POM121: variants seen among roughly 807,000 people sequenced by gnomAD.
POM121 encodes the protein POM121 transmembrane nucleoporin.
Under a neutral mutation model 81.3 loss-of-function variants are expected in POM121, and 32 were observed. That is an observed-to-expected ratio of 0.39 (90% CI 0.30 to 0.53). The LOEUF is 0.53. Among genes scored for constraint, POM121 ranks in the 20% least tolerant of loss-of-function variants. POM121 has a pLI of 0.66. For missense variants in POM121, 1,138 were observed against 1,614.6 expected (o/e 0.70, Z 5.06); for synonymous variants, 514 against 694.2 (o/e 0.74, Z 4.08).
intron 3 of POM121, among the ~76,000 whole-genome samples, chr7:72,903,292 C>A (rs565647433): frequency 6.6e-6 from 1 of 152,086 alleles, no homozygotes; most frequent in African/African-American, 2.4e-5. Flanking sequence ...CAAAACTTAG[C>A]CGGACATGGT....
intron 1 of POM121, among the ~76,000 whole-genome samples, chr7:72,882,464 A>T (rs1408104717): frequency 1.3e-5 from 2 of 152,192 alleles, no homozygotes; most frequent in East Asian, 3.8e-4. Flanking sequence ...GACTTTGAAA[A>T]ATTTCTTCAT....
Position 72,943,095 on chromosome 7 carries a change from G to A in POM121, c.3102G>A (p.Thr1034=), listed in dbSNP as rs139238552. The change falls in exon 11 of 13, where the codon ACG becomes ACA. Residue 1034 remains threonine, a synonymous_variant. Transcript: ENST00000434423. ...TPIHPIFGGA[T]HSAFGLKATA... is the part of the protein sequence containing the mutation. ...TCCATCCTATCTTTGGCGGTGCCACGCACTCGGCGTTTGGGTTGAAAGCCA... is the reference window on the plus strand; with the variant it reads ...TCCATCCTATCTTTGGCGGTGCCACACACTCGGCGTTTGGGTTGAAAGCCA... 154 of 1,613,484 alleles carry A rather than the reference G, an allele frequency of 9.5e-5. No homozygotes were observed. The highest frequency in any genetic ancestry group is 3.2e-4 in the African/African-American group (24 of 74,928).
intron 5 of POM121, 91 bp downstream of exon 5, chr7:72,930,202 C>A: frequency 6.9e-7 from 1 of 1,450,460 alleles, no homozygotes; most frequent in Non-Finnish European, 9.2e-7. Context: ...GCCATGTAAT[C>A]CCAGCACTTT....
intron 3 of POM121, among the ~76,000 whole-genome samples, chr7:72,894,332 CT>C (rs1791635918): frequency 6.6e-6 from 1 of 152,016 alleles, no homozygotes; most frequent in Non-Finnish European, 1.5e-5. Context: ...AATCCCAGCA[CT>C]TTGGGAGACC....
intron 5 of POM121, among the ~76,000 whole-genome samples, chr7:72,935,314 AG>A (rs1203316642): frequency 2.6e-5 from 4 of 152,046 alleles, no homozygotes; most frequent in Non-Finnish European, 5.9e-5. Flanking sequence ...CTGGGACCAC[AG>A]GCATGCATCA....
chr7:72,884,381 T>G (rs1391023491), intron 1 of POM121, among the ~76,000 whole-genome samples: 2 of 151,894 alleles, frequency 1.3e-5, no homozygotes, highest in Non-Finnish European at 2.9e-5. Flanking sequence ...TGTGATTCTT[T>G]TTGAAAATTA....
At chr7:72,916,083 T>G (rs1168494130) in intron 4 of POM121, among the ~76,000 whole-genome samples, 1 of 152,246 alleles carries the variant, frequency 6.6e-6, no homozygotes, top group Non-Finnish European at 1.5e-5. Flanking sequence ...CTTTGTCAGA[T>G]GGGTAGGTTG....
chr7:72,949,020 C>A, downstream of POM121: 1 of 1,612,668 alleles, frequency 6.2e-7, no homozygotes, highest in South Asian at 1.1e-5. Flanking sequence ...ACAGGGCTCG[C>A]TGCTGGAACC....
At chr7:72,881,413 T>C (rs577521945) in intron 1 of POM121, among the ~76,000 whole-genome samples, 1 of 149,798 alleles carries the variant, frequency 6.7e-6, no homozygotes, top group Admixed American at 6.7e-5. Context: ...TGAGCTTTCT[T>C]TTGCGGTTCT....
chr7:72,938,104 C>T (rs1308015982), intron 5 of POM121, among the ~76,000 whole-genome samples: 7 of 152,220 alleles, frequency 4.6e-5, no homozygotes, highest in Non-Finnish European at 8.8e-5. Flanking sequence ...GTGTCCATCC[C>T]TTCTACCTTT....
intron 4 of POM121, among the ~76,000 whole-genome samples, chr7:72,919,499 T>C (rs1392301079): frequency 1.6e-4 from 25 of 152,070 alleles, no homozygotes; most frequent in African/African-American, 5.6e-4. Flanking sequence ...TTTTATTTAT[T>C]GTTTGAGAGT....
exon 1 of POM121, chr7:72,879,857 TG>T: frequency 1.9e-6 from 1 of 513,004 alleles, no homozygotes. Context: ...TCGGGAGCCG[TG>T]GGGCAGAGGC....
At chr7:72,928,093 C>G (rs1795643654) in intron 3 of POM121, among the ~76,000 whole-genome samples, 1 of 152,138 alleles carries the variant, frequency 6.6e-6, no homozygotes, top group African/African-American at 2.4e-5. Flanking sequence ...GTAGTCCCAG[C>G]TACTCTGGAG....
At chr7:72,904,178 C>T (rs1554493094) in intron 3 of POM121, among the ~76,000 whole-genome samples, 1 of 152,216 alleles carries the variant, frequency 6.6e-6, no homozygotes, top group Non-Finnish European at 1.5e-5. Context: ...CAGATGAAAG[C>T]TCAGCATCCT....
chr7:72,891,323 C>T (rs1177150479), intron 3 of POM121, among the ~76,000 whole-genome samples: 5 of 151,918 alleles, frequency 3.3e-5, no homozygotes, highest in Non-Finnish European at 5.9e-5. Flanking sequence ...TACTGGGGAC[C>T]CATTCACTTC....
At chr7:72,911,663 C>T (rs1793817530) in intron 3 of POM121, among the ~76,000 whole-genome samples, 1 of 152,164 alleles carries the variant, frequency 6.6e-6, no homozygotes, top group African/African-American at 2.4e-5. Context: ...CTGTGACTCG[C>T]CTCAGCCTTT....
intron 3 of POM121, among the ~76,000 whole-genome samples, chr7:72,927,477 A>G (rs1795573993): frequency 1.3e-5 from 2 of 152,190 alleles, no homozygotes; most frequent in Admixed American, 6.5e-5. Context: ...TGAGAGGCCG[A>G]CACGGGTGGA....
chr7:72,943,784 T>G (rs1797381522), intron 11 of POM121, among the ~76,000 whole-genome samples: 1 of 152,090 alleles, frequency 6.6e-6, no homozygotes, highest in Non-Finnish European at 1.5e-5. Flanking sequence ...ACGCTTGTAA[T>G]CCCAATATTT....
At chr7:72,926,771 C>T (rs782144951) in intron 2 of POM121, 31 bp from the exon 3 acceptor site, 39 of 1,607,714 alleles carry the variant, frequency 2.4e-5, no homozygotes, top group Non-Finnish European at 3.2e-5. Context: ...ATTAAAATAT[C>T]TTACAGCTAG....
Sources: allele counts gnomAD v4.1 joint callset (sites outside exome capture counted in the v4.1 genomes callset), GRCh38; gene constraint gnomAD v4.1.1; transcripts MANE v1.5; gene names NCBI Gene and HGNC (gene_info 2026-07-23, HGNC 2026-07-21).